FARS2: variants seen among roughly 807,000 people sequenced by gnomAD.
The protein encoded by FARS2 is phenylalanine--tRNA ligase, mitochondrial.
FARS2 carries 40 observed loss-of-function variants against 46.4 expected under a neutral mutation model. The ratio of observed to expected loss-of-function variants is 0.86; its 90% CI spans 0.67 to 1.12. The LOEUF (loss-of-function observed/expected upper bound fraction) is 1.12. FARS2 is among the 50% of genes most tolerant of loss of function. The probability of loss-of-function intolerance (pLI) is 0.00; values close to 1 mark genes in which losing one functional copy is unlikely to be tolerated. For missense variants in FARS2, 513 were observed against 567.9 expected, an observed-to-expected ratio of 0.90 and a Z score of 0.98; for synonymous variants, 234 against 214.9, an observed-to-expected ratio of 1.09 and a Z score of -0.78.
rs1324047757 is a variant in FARS2, at chr6:5,390,154, G to T, written c.613-14388G>T. Reference sequence around the variant, plus strand: ...GCTGGGATTACAGGCATGAGCCACTGCACCCAGCCTCTACTACAGTTTTTT... The same window carrying T: ...GCTGGGATTACAGGCATGAGCCACTTCACCCAGCCTCTACTACAGTTTTTT... On this transcript the variant is annotated intron_variant, in intron 2 of 6. Coordinates refer to ENST00000274680, the MANE Select transcript of FARS2 (RefSeq NM_006567.5). 2.6e-5 allele frequency among the ~76,000 whole-genome samples: 4 copies of T among 152,116 alleles called. No individual in the cohort carries two copies. In the East Asian group the frequency reaches 7.7e-4, roughly 29 times the overall value.
At chr6:5,770,764 G>A (rs1762992447) in intron 6 of FARS2, among the ~76,000 whole-genome samples, 1 of 152,176 alleles carries the variant, frequency 6.6e-6, no homozygotes, top group African/African-American at 2.4e-5. Flanking sequence ...GCACATACAC[G>A]GCATATATGG....
chr6:5,311,084 A>G lies in FARS2; in HGVS notation c.-22+49424A>G, dbSNP rs562879456. 2.0e-5 allele frequency among the ~76,000 whole-genome samples: 3 copies of G among 152,380 alleles called. No individual in the cohort carries two copies. Among genetic ancestry groups the G allele is most frequent in the Admixed American group, 1.3e-4 (2 of 15,310 alleles). On this transcript the variant is annotated intron_variant, in intron 1 of 6. Coordinates refer to ENST00000274680, the MANE Select transcript of FARS2 (RefSeq NM_006567.5). This position sits in a 1 kb window ranked among gnomAD's most constrained non-coding sequence, Gnocchi z 4.1. ...GTTGTCACAGCAGAAACCTGGGAACAGTCAGAACACATCAATGAGGCACTG... is the reference window on the plus strand; with the variant it reads ...GTTGTCACAGCAGAAACCTGGGAACGGTCAGAACACATCAATGAGGCACTG...
chr6:5,299,945 A>T (rs1768176344), intron 1 of FARS2, among the ~76,000 whole-genome samples: 1 of 152,192 alleles, frequency 6.6e-6, no homozygotes, highest in South Asian at 2.1e-4. Context: ...TTTATCTATT[A>T]AAAAAAGATT....
intron 5 of FARS2, among the ~76,000 whole-genome samples, chr6:5,553,778 G>A (rs1416363161): frequency 6.6e-6 from 1 of 152,150 alleles, no homozygotes; most frequent in African/African-American, 2.4e-5. Flanking sequence ...AATTCAGTGG[G>A]TCTGGGGGGG....
the FARS2 span, among the ~76,000 whole-genome samples, chr6:5,253,664 C>T: frequency 3.3e-3 from 506 of 152,136 alleles, 5 homozygotes; most frequent in African/African-American, 0.011. Context: ...AGCCTAGTCG[C>T]CGGCCATTGG....
chr6:5,530,791 A>G (rs1769778157), intron 4 of FARS2, among the ~76,000 whole-genome samples: 1 of 147,026 alleles, frequency 6.8e-6, no homozygotes, highest in East Asian at 1.9e-4. Flanking sequence ...ATAATATAGA[A>G]CTATATATTG....
At chr6:5,277,780 CT>C (rs1243745367) in intron 1 of FARS2, among the ~76,000 whole-genome samples, 1 of 152,094 alleles carries the variant, frequency 6.6e-6, no homozygotes, top group Non-Finnish European at 1.5e-5. Flanking sequence ...AGAACATTGG[CT>C]TTTTTTCCTT....
At chr6:5,281,605 T>C (rs1420035979) in intron 1 of FARS2, among the ~76,000 whole-genome samples, 1 of 152,150 alleles carries the variant, frequency 6.6e-6, no homozygotes, top group African/African-American at 2.4e-5. Context: ...CTGTACTCCT[T>C]AAACAGCAGC....
chr6:5,369,207 G>A (rs769765363), intron 2 of FARS2, 25 bp downstream of exon 2: 9 of 1,592,434 alleles, frequency 5.7e-6, no homozygotes, highest in Non-Finnish European at 6.8e-6. Context: ...GTTTCTCATC[G>A]CTGAAGGATG....
rs1763046965 is a variant in FARS2, at chr6:5,771,465, G to T, written c.*36G>T. 6.3e-7 allele frequency: 1 copy of T among 1,577,132 alleles called. No homozygotes were observed. Among genetic ancestry groups the T allele is most frequent in the Non-Finnish European group, 8.6e-7 (1 of 1,166,908 alleles). ...TCACTCAGGCTGCAGCCCTCTTGGG[G>T]CTCCAGGATTTGCTGAAAGAGAAAA... On this transcript the variant is annotated 3_prime_UTR_variant, in exon 7 of 7. Transcript: ENST00000274680.
intron 4 of FARS2, among the ~76,000 whole-genome samples, chr6:5,451,024 G>T (rs1266983733): frequency 1.3e-5 from 2 of 152,100 alleles, no homozygotes; most frequent in African/African-American, 2.4e-5. Flanking sequence ...TTTTAGATAC[G>T]ATTGGAGGTG....
chr6:5,463,203 T>A (rs189969803), intron 4 of FARS2, among the ~76,000 whole-genome samples: 72 of 152,376 alleles, frequency 4.7e-4, no homozygotes, highest in African/African-American at 1.7e-3. Context: ...TTTCTAAGTA[T>A]TTTATTCTTC....
chr6:5,681,989 G>A lies in FARS2; in HGVS notation c.1217+68669G>A, dbSNP rs186860976. ...AGGCTGCTGGGTGACAGACCAGCAT[G>A]CCATTTTACTCTGCCCTGGTCAGCA... On this transcript the variant is annotated intron_variant, in intron 6 of 6. Coordinates refer to ENST00000274680, the MANE Select transcript of FARS2 (RefSeq NM_006567.5). 5.1e-4 allele frequency among the ~76,000 whole-genome samples: 77 copies of A among 152,336 alleles called. 1 individual carries two copies. Among genetic ancestry groups the A allele is most frequent in the Non-Finnish European group, 5.1e-4 (35 of 68,026 alleles).
At chr6:5,753,605 A>G (rs574057152) in intron 6 of FARS2, among the ~76,000 whole-genome samples, 15 of 152,186 alleles carry the variant, frequency 9.9e-5, no homozygotes, top group African/African-American at 3.6e-4. Context: ...ATGCATAGAC[A>G]TTTCATGCCT....
intron 2 of FARS2, among the ~76,000 whole-genome samples, chr6:5,396,464 G>A (rs1760908167): frequency 6.6e-6 from 1 of 152,126 alleles, no homozygotes; most frequent in Admixed American, 6.5e-5. Flanking sequence ...TTAAGAACAA[G>A]GTATAAAAGT....
chr6:5,265,718 A>C (rs1037894722), intron 1 of FARS2, among the ~76,000 whole-genome samples: 1 of 152,180 alleles, frequency 6.6e-6, no homozygotes, highest in African/African-American at 2.4e-5. Flanking sequence ...GTATATGATT[A>C]AAATAAGGTA....
intron 3 of FARS2, among the ~76,000 whole-genome samples, chr6:5,407,345 G>A (rs1443968840): frequency 6.6e-6 from 1 of 151,782 alleles, no homozygotes; most frequent in East Asian, 1.9e-4. Flanking sequence ...ACTCAAATAT[G>A]TATTTAAAGA....
intron 1 of FARS2, among the ~76,000 whole-genome samples, chr6:5,325,123 G>A (rs1043368233): frequency 1.3e-5 from 2 of 152,136 alleles, no homozygotes; most frequent in Non-Finnish European, 2.9e-5. Flanking sequence ...AACATTGCTT[G>A]GCTACTCCAC....
chr6:5,395,884 T>A (rs1760870754), intron 2 of FARS2, among the ~76,000 whole-genome samples: 1 of 152,176 alleles, frequency 6.6e-6, no homozygotes, highest in Non-Finnish European at 1.5e-5. Flanking sequence ...CTAAAAGCAC[T>A]GAGAAGAAAA....
Sources: gnomAD v4.1 joint callset for allele counts (sites outside exome capture counted in the v4.1 genomes callset) on GRCh38, gnomAD v4.1.1 for gene constraint, Gnocchi (gnomAD v3.1) non-coding constraint, MANE v1.5 for transcripts, NCBI Gene and HGNC (gene_info 2026-07-23, HGNC 2026-07-21) for gene names.